Variants in SYT1 observed in about 807,000 individuals in gnomAD.
The protein encoded by SYT1 is synaptotagmin-1.
A neutral mutation model predicts 44.8 loss-of-function variants in SYT1; 8 were observed. That is an observed-to-expected ratio of 0.18 (90% CI 0.10 to 0.32). The LOEUF is 0.32. SYT1 is among the 10% of genes least tolerant of loss of function. The pLI is 1.00. For missense variants in SYT1, 286 were observed against 509.3 expected (o/e 0.56, Z 4.22); for synonymous variants, 154 against 188.8 (o/e 0.82, Z 1.51).
rs1002934745 is a variant in SYT1 at position 79,434,822 on chromosome 12, G to A, written c.929-9251G>A. 5.3e-5 allele frequency among the ~76,000 whole-genome samples: 8 copies of A among 151,844 alleles called. 1 individual carries two copies. Among genetic ancestry groups the A allele is most frequent in the South Asian group, 4.2e-4 (2 of 4,808 alleles). Reference sequence around the variant, plus strand: ...AAACTATAAATATTGGTTGGTTGCCGCCCACCTTCCATCCTGCCTTCTTTT... The same window carrying A: ...AAACTATAAATATTGGTTGGTTGCCACCCACCTTCCATCCTGCCTTCTTTT... On this transcript the variant is annotated intron_variant, in intron 9 of 10. Coordinates refer to ENST00000261205, the MANE Select transcript of SYT1 (RefSeq NM_005639.3).
chr12:78,884,215 T>A (rs908846129), intron 1 of SYT1, among the ~76,000 whole-genome samples: 1 of 151,610 alleles, frequency 6.6e-6, no homozygotes, highest in African/African-American at 2.4e-5. Context: ...TCTATACATT[T>A]TCAGTTAGAT....
At chr12:79,065,137 C>A (rs1390744954) in intron 3 of SYT1, among the ~76,000 whole-genome samples, 1 of 152,074 alleles carries the variant, frequency 6.6e-6, no homozygotes, top group Non-Finnish European at 1.5e-5. Context: ...CTTTGGGAGG[C>A]TGAGGTGGGT....
At chr12:79,203,082 T>C (rs537449690) in intron 3 of SYT1, among the ~76,000 whole-genome samples, 1,952 of 73,478 alleles carry the variant, frequency 0.027, 16 homozygotes, top group Middle Eastern at 0.037. Flanking sequence ...ATAATAAGCC[T>C]ATGGAAAAAA....
intron 8 of SYT1, among the ~76,000 whole-genome samples, chr12:79,349,003 G>GAAAGAA (rs1040082302): frequency 5.3e-5 from 1 of 18,824 alleles, no homozygotes; most frequent in Non-Finnish European, 9.3e-5. Context: ...GAGAAGGAAA[G>GAAAGAA]AAAGAAAGAA....
chr12:79,046,032 G>A (rs1475114287), intron 2 of SYT1, among the ~76,000 whole-genome samples: 3 of 152,080 alleles, frequency 2.0e-5, no homozygotes, highest in African/African-American at 7.2e-5. Flanking sequence ...ACTATACAAA[G>A]CATATCTAAA....
At chr12:79,219,463 T>C (rs566819057) in intron 4 of SYT1, among the ~76,000 whole-genome samples, 8 of 152,220 alleles carry the variant, frequency 5.3e-5, no homozygotes, top group Non-Finnish European at 1.2e-4. Context: ...CATTTTATTC[T>C]AGATTCATAA....
At chr12:79,393,051 A>C (rs1201699762) in intron 9 of SYT1, 6 of 148,720 alleles carry the variant, frequency 4.0e-5, no homozygotes, top group African/African-American at 1.2e-4. Context: ...GAGAACATGC[A>C]GTGTTTGGTT....
At chr12:79,038,565 T>C (rs1420065671) in intron 2 of SYT1, among the ~76,000 whole-genome samples, 2 of 152,044 alleles carry the variant, frequency 1.3e-5, no homozygotes, top group African/African-American at 2.4e-5. Context: ...CAAAATCCCT[T>C]AGGATTAGTG....
rs1290357601 is a variant in SYT1, at chr12:79,064,914, C to G, written c.-18+17552C>G. On this transcript the variant is annotated intron_variant, in intron 3 of 10. Transcript: ENST00000261205. The stretch of plus-strand genomic sequence containing the variant: ...TATTCCCTCAGCCCCACTCTTTAGA[C>G]AAAAAAATAGAGAGAAAGAAAGAAA... 4.6e-5 allele frequency among the ~76,000 whole-genome samples: 5 copies of G among 108,600 alleles called. No homozygotes were observed. In the East Asian group the frequency reaches 1.4e-3, roughly 30 times the overall value. The allele number at this position is 108,600 out of a possible 152,430, so 71.2% of individuals were successfully genotyped here. A position where few individuals can be genotyped will look rare whatever the true frequency, so the allele number is the denominator to read the frequency against.
At chr12:79,393,717 G>C (rs578123253) in intron 9 of SYT1, 5 of 152,096 alleles carry the variant, frequency 3.3e-5, no homozygotes, top group Admixed American at 2.6e-4. Context: ...TTGTCAAATG[G>C]GTAGATTGTG....
At chr12:79,275,956 T>C (rs546481166) in intron 4 of SYT1, among the ~76,000 whole-genome samples, 12 of 152,228 alleles carry the variant, frequency 7.9e-5, no homozygotes, top group Admixed American at 7.9e-4. Flanking sequence ...GCACAAAGAT[T>C]CTCTATATCT....
chr12:79,116,862 G>A (rs1879304887), intron 3 of SYT1, among the ~76,000 whole-genome samples: 1 of 152,110 alleles, frequency 6.6e-6, no homozygotes, highest in African/African-American at 2.4e-5. Context: ...ACCTCTGAAG[G>A]CCTGAGTAGG....
At chr12:79,264,869 A>C (rs1222914226) in intron 4 of SYT1, among the ~76,000 whole-genome samples, 4 of 152,168 alleles carry the variant, frequency 2.6e-5, no homozygotes, top group African/African-American at 9.7e-5. Flanking sequence ...TTGTTTATTC[A>C]TGAATAGCTG....
intron 3 of SYT1, among the ~76,000 whole-genome samples, chr12:79,212,509 AAAG>A (rs1167843599): frequency 2.6e-5 from 4 of 151,762 alleles, no homozygotes; most frequent in Admixed American, 6.6e-5. Flanking sequence ...AAAAAAAAAA[AAAG>A]AAAATTGCCT....
Position 79,138,397 on chromosome 12 carries a change from A to G in SYT1, c.-17-79106A>G, listed in dbSNP as rs1869335002. On this transcript the variant is annotated intron_variant, in intron 3 of 10. Transcript: ENST00000261205. Reference sequence around the variant, plus strand: ...GAACATTATTGCTATTTAGTAATGCAATATTAAATGATATTTTGCTGCATT... The same window carrying G: ...GAACATTATTGCTATTTAGTAATGCGATATTAAATGATATTTTGCTGCATT... Among the ~76,000 whole-genome samples, 3 of 152,232 alleles carry G rather than the reference A, an allele frequency of 2.0e-5. No homozygotes were observed. The South Asian group carries it at 6.2e-4, about 31-fold the overall frequency.
intron 3 of SYT1, among the ~76,000 whole-genome samples, chr12:79,082,255 CTTCTT>C (rs986249580): frequency 2.0e-5 from 3 of 151,914 alleles, no homozygotes; most frequent in African/African-American, 7.3e-5. Context: ...TGTCCTTTGT[CTTCTT>C]TTCTGTATGT....
chr12:79,278,473 C>A (rs1878861048), intron 4 of SYT1, among the ~76,000 whole-genome samples: 1 of 151,890 alleles, frequency 6.6e-6, no homozygotes, highest in African/African-American at 2.4e-5. Flanking sequence ...GGAATTATAA[C>A]AGTAACACAA....
intron 3 of SYT1, among the ~76,000 whole-genome samples, chr12:79,197,646 T>C (rs1461892760): frequency 1.2e-4 from 19 of 152,206 alleles, no homozygotes. Flanking sequence ...GTTTATATGT[T>C]AGCCTATTCT....
At chr12:79,046,879 G>A (rs1874106756) in intron 2 of SYT1, among the ~76,000 whole-genome samples, 1 of 151,762 alleles carries the variant, frequency 6.6e-6, no homozygotes, top group African/African-American at 2.4e-5. Context: ...AGTAACATGG[G>A]GCTGTACAAG....
Sources: allele counts gnomAD v4.1 joint callset (sites outside exome capture counted in the v4.1 genomes callset), GRCh38; gene constraint gnomAD v4.1.1; transcripts MANE v1.5; gene names NCBI Gene and HGNC (gene_info 2026-07-23, HGNC 2026-07-21).